Variants in ARHGAP24 observed in about 807,000 individuals in gnomAD.
ARHGAP24 encodes rho GTPase-activating protein 24.
ARHGAP24 carries 50 observed loss-of-function variants against 76.4 expected under a neutral mutation model. That is an observed-to-expected ratio of 0.65 (90% CI 0.52 to 0.83). The LOEUF (loss-of-function observed/expected upper bound fraction) is 0.83, where lower values mean the gene tolerates loss of function less well. Among genes scored for constraint, ARHGAP24 ranks in the 40% least tolerant of loss-of-function variants. ARHGAP24 has a pLI of 0.00. For missense variants in ARHGAP24, 930 were observed against 914.2 expected (o/e 1.02, Z -0.22); for synonymous variants, 345 against 323.3 (o/e 1.07, Z -0.72).
chr4:85,670,634 G>T (rs1722786871), intron 2 of ARHGAP24, among the ~76,000 whole-genome samples: 1 of 152,150 alleles, frequency 6.6e-6, no homozygotes, highest in Non-Finnish European at 1.5e-5. Context: ...CTTTGTGACT[G>T]AATTACTATT....
chr4:85,770,460 G>A (rs1727092474), intron 3 of ARHGAP24, among the ~76,000 whole-genome samples: 2 of 152,116 alleles, frequency 1.3e-5, no homozygotes, highest in Non-Finnish European at 2.9e-5. Context: ...GGGAGTCTTA[G>A]AAATAATTAT....
chr4:85,504,048 G>C (rs1435845541), intron 1 of ARHGAP24, among the ~76,000 whole-genome samples: 1 of 152,196 alleles, frequency 6.6e-6, no homozygotes, highest in Non-Finnish European at 1.5e-5. Flanking sequence ...TCTTAATCTG[G>C]AGTTCTAATT....
intron 3 of ARHGAP24, among the ~76,000 whole-genome samples, chr4:85,888,629 C>T (rs965315470): frequency 4.0e-5 from 6 of 151,536 alleles, no homozygotes; most frequent in Admixed American, 3.3e-4. Flanking sequence ...TTAAAAAAAA[C>T]TTTAGTTTTA....
intron 3 of ARHGAP24, among the ~76,000 whole-genome samples, chr4:85,779,656 A>G (rs1303085134): frequency 1.3e-5 from 2 of 152,054 alleles, no homozygotes; most frequent in African/African-American, 4.8e-5. Context: ...ACCTTAATGG[A>G]GGAACATTTC....
At chr4:85,941,133 A>G (rs1322219934) in intron 4 of ARHGAP24, among the ~76,000 whole-genome samples, 4 of 152,186 alleles carry the variant, frequency 2.6e-5, no homozygotes. Flanking sequence ...GTGGAGTCAC[A>G]TCTGCTTTGG....
intron 3 of ARHGAP24, among the ~76,000 whole-genome samples, chr4:85,750,054 C>G (rs1357988175): frequency 6.6e-6 from 1 of 152,116 alleles, no homozygotes; most frequent in African/African-American, 2.4e-5. Flanking sequence ...CGTACTGTGC[C>G]TGGCACTGTT....
intron 3 of ARHGAP24, among the ~76,000 whole-genome samples, chr4:85,818,365 C>A (rs1478406572): frequency 1.3e-5 from 2 of 152,274 alleles, no homozygotes; most frequent in East Asian, 3.9e-4. Context: ...TTAAAATCGT[C>A]TCTCCAGCTC....
intron 3 of ARHGAP24, among the ~76,000 whole-genome samples, chr4:85,835,847 G>A (rs910084386): frequency 2.6e-5 from 4 of 151,842 alleles, no homozygotes; most frequent in Non-Finnish European, 5.9e-5. Flanking sequence ...CACCATGCCC[G>A]GCTAATTTTT....
At chr4:85,597,189 A>T (rs1719870333) in intron 2 of ARHGAP24, among the ~76,000 whole-genome samples, 1 of 152,130 alleles carries the variant, frequency 6.6e-6, no homozygotes, top group Admixed American at 6.6e-5. Context: ...TTCTTTAACC[A>T]ATCTTAAGAT....
At chr4:85,646,796 G>C (rs1335318759) in intron 2 of ARHGAP24, among the ~76,000 whole-genome samples, 1 of 152,048 alleles carries the variant, frequency 6.6e-6, no homozygotes, top group Non-Finnish European at 1.5e-5. Flanking sequence ...GGGAAATTGA[G>C]GGTGCTTGCT....
intron 3 of ARHGAP24, among the ~76,000 whole-genome samples, chr4:85,788,330 T>G (rs551668073): frequency 3.3e-5 from 5 of 152,380 alleles, no homozygotes; most frequent in African/African-American, 1.2e-4. Flanking sequence ...TTTTATAGAC[T>G]AACATCTATT....
Position 85,601,252 on chromosome 4 carries a change from C to A in ARHGAP24, c.180+30531C>A, listed in dbSNP as rs1000429795. ...TAATCTTAGGAACTTAGAGTTCTTT[C>A]TGTATAATAGGTGCTCAATAAATAT... On this transcript the variant is annotated intron_variant, in intron 2 of 9. Transcript: ENST00000395184. Among the ~76,000 whole-genome samples the A allele has an allele frequency of 2.6e-5, 4 of 152,224 alleles. No individual in the cohort carries two copies. The South Asian group carries it at 8.3e-4, about 32-fold the overall frequency.
intron 1 of ARHGAP24, among the ~76,000 whole-genome samples, chr4:85,553,356 T>A (rs1726223127): frequency 6.6e-6 from 1 of 152,178 alleles, no homozygotes. Context: ...CCCACCCACA[T>A]CCTGCTGATT....
intron 2 of ARHGAP24, among the ~76,000 whole-genome samples, chr4:85,695,190 A>G (rs1560589421): frequency 6.6e-6 from 1 of 152,224 alleles, no homozygotes; most frequent in Non-Finnish European, 1.5e-5. Flanking sequence ...GTAAAGCAAA[A>G]TAATGTTTTG....
intron 3 of ARHGAP24, among the ~76,000 whole-genome samples, chr4:85,758,310 C>A (rs146987999): frequency 6.6e-6 from 1 of 152,056 alleles, no homozygotes. Flanking sequence ...TATGCCCATG[C>A]GAGGAATCAA....
At chr4:85,865,171 A>T (rs1268529854) in intron 3 of ARHGAP24, among the ~76,000 whole-genome samples, 3 of 152,054 alleles carry the variant, frequency 2.0e-5, no homozygotes, top group Admixed American at 2.0e-4. Context: ...GTTTCAGAAA[A>T]ATACCTATTT....
chr4:85,581,341 TC>T (rs1488747130), intron 2 of ARHGAP24, among the ~76,000 whole-genome samples: 1 of 152,174 alleles, frequency 6.6e-6, no homozygotes, highest in East Asian at 1.9e-4. Context: ...CCTTAACTCA[TC>T]TTTGTGAACC....
chr4:85,820,982 G>T (rs1729444350), intron 3 of ARHGAP24, among the ~76,000 whole-genome samples: 1 of 151,866 alleles, frequency 6.6e-6, no homozygotes, highest in Non-Finnish European at 1.5e-5. Flanking sequence ...TATTTTATTT[G>T]TCTATTTTAC....
At chr4:85,543,100 G>C (rs1470981227) in intron 1 of ARHGAP24, among the ~76,000 whole-genome samples, 1 of 152,152 alleles carries the variant, frequency 6.6e-6, no homozygotes, top group Non-Finnish European at 1.5e-5. Context: ...GGGTTACATG[G>C]AATAGACAGA....
Sources: allele counts gnomAD v4.1 joint callset (sites outside exome capture counted in the v4.1 genomes callset), GRCh38; gene constraint gnomAD v4.1.1; transcripts MANE v1.5; gene names NCBI Gene and HGNC (gene_info 2026-07-23, HGNC 2026-07-21).